The following DMD variants were observed in gnomAD, a reference collection of about 807,000 sequenced individuals.
DMD encodes the protein mutant dystrophin.
In DMD, 63 loss-of-function variants were observed where a neutral mutation model predicts 330.1. The ratio of observed to expected loss-of-function variants is 0.19; its 90% confidence interval spans 0.16 to 0.24. DMD has a LOEUF of 0.24. Ranked by LOEUF, DMD falls within the 10% of genes least tolerant of loss-of-function variation. DMD has a pLI of 1.00. For synonymous variants in DMD, 1,223 were observed against 959.8 expected, an observed-to-expected ratio of 1.27 and a Z score of -5.07; for missense variants, 3,344 against 2,684.1, an observed-to-expected ratio of 1.25 and a Z score of -5.43.
chrX:32,768,930 A>G (rs982068416), intron 7 of DMD, among the ~76,000 whole-genome samples: 1 of 111,903 alleles, frequency 8.9e-6, no homozygotes, highest in African/African-American at 3.2e-5. Flanking sequence ...TTTCATGAGC[A>G]CACATCCCCT....
intron 17 of DMD, among the ~76,000 whole-genome samples, chrX:32,529,146 C>G (rs1438077477): frequency 9.4e-6 from 1 of 106,050 alleles, no homozygotes; most frequent in Admixed American, 1.0e-4. Context: ...AGGATGGTCT[C>G]GATCTCCTGA....
intron 2 of DMD, among the ~76,000 whole-genome samples, chrX:32,933,969 C>G (rs892114717): frequency 2.7e-5 from 3 of 111,382 alleles, no homozygotes; most frequent in African/African-American, 9.8e-5. Context: ...TGCTTTCTGA[C>G]TATTCTGCTT....
At chrX:32,411,236 T>G (rs1304250632) in intron 30 of DMD, among the ~76,000 whole-genome samples, 1 of 111,452 alleles carries the variant, frequency 9.0e-6, no homozygotes, top group Non-Finnish European at 1.9e-5. Flanking sequence ...GTTCAAGTGA[T>G]TCTCCTGCCT....
chrX:32,283,138 C>T (rs1603629914), intron 43 of DMD, among the ~76,000 whole-genome samples: 1 of 111,482 alleles, frequency 9.0e-6, no homozygotes, highest in Non-Finnish European at 1.9e-5. Flanking sequence ...AGAGCAAAGA[C>T]ATATATAGCA....
intron 47 of DMD, among the ~76,000 whole-genome samples, chrX:31,926,662 C>T (rs932469962): frequency 1.8e-5 from 2 of 108,447 alleles, no homozygotes; most frequent in African/African-American, 6.7e-5. Flanking sequence ...GATGACAAAG[C>T]GAGACTCTGT....
At chrX:32,400,926 C>G (rs1054715730) in intron 30 of DMD, among the ~76,000 whole-genome samples, 12 of 110,349 alleles carry the variant, frequency 1.1e-4, no homozygotes, top group Admixed American at 7.7e-4. Flanking sequence ...GACTTGGAAC[C>G]AACCCAAATG....
intron 7 of DMD, among the ~76,000 whole-genome samples, chrX:32,779,521 G>C (rs2074498268): frequency 9.1e-6 from 1 of 109,658 alleles, no homozygotes; most frequent in East Asian, 2.8e-4. Context: ...AGATTTTACA[G>C]ATGTTCCCCC....
At chrX:31,384,407 G>A (rs1183000243) in intron 60 of DMD, among the ~76,000 whole-genome samples, 1 of 111,383 alleles carries the variant, frequency 9.0e-6, no homozygotes, top group African/African-American at 3.3e-5. Flanking sequence ...TTGTGATTTT[G>A]TACTCTGATG....
intron 55 of DMD, among the ~76,000 whole-genome samples, chrX:31,531,608 T>C (rs1462846484): frequency 9.9e-6 from 1 of 101,100 alleles, no homozygotes; most frequent in Non-Finnish European, 2.0e-5. Context: ...TGCGGAAATT[T>C]TCTCCCATGT....
chrX:31,474,726 AT>A (rs201057943), intron 59 of DMD, among the ~76,000 whole-genome samples: 1,774 of 101,745 alleles, frequency 0.017, 77 homozygotes, highest in East Asian at 0.065. Flanking sequence ...ATAAAATAAA[AT>A]AAAATAAAAT....
At chrX:32,044,680 C>A (rs1307555820) in intron 44 of DMD, among the ~76,000 whole-genome samples, 4 of 111,420 alleles carry the variant, frequency 3.6e-5, no homozygotes, top group Non-Finnish European at 7.5e-5. Context: ...CCTTGGCCTC[C>A]CAAAGTGCTG....
intron 44 of DMD, among the ~76,000 whole-genome samples, chrX:32,008,103 C>T (rs896903064): frequency 2.7e-5 from 3 of 111,056 alleles, no homozygotes; most frequent in African/African-American, 9.8e-5. Context: ...GGACAGTGGG[C>T]TCCGGTGTGA....
intron 32 of DMD, among the ~76,000 whole-genome samples, chrX:32,386,697 A>C (rs2097960319): frequency 1.0e-5 from 1 of 99,578 alleles, no homozygotes; most frequent in Non-Finnish European, 2.1e-5. Flanking sequence ...ATTCTTATTA[A>C]ACAGAGAGTT....
intron 1 of DMD, among the ~76,000 whole-genome samples, chrX:33,229,159 GTA>G (rs1001273807): frequency 4.5e-5 from 5 of 110,565 alleles, no homozygotes; most frequent in African/African-American, 1.6e-4. Flanking sequence ...TCTGTACCTT[GTA>G]TTTCACTTCT....
intron 7 of DMD, among the ~76,000 whole-genome samples, chrX:32,737,624 T>A (rs918569995): frequency 4.5e-5 from 5 of 112,012 alleles, no homozygotes; most frequent in Non-Finnish European, 7.5e-5. Context: ...CATGTATCTG[T>A]GGCAGAAAGA....
intron 43 of DMD, among the ~76,000 whole-genome samples, chrX:32,233,613 T>TTATGTATTTATG (rs2097176864): frequency 2.0e-5 from 2 of 100,504 alleles, no homozygotes; most frequent in African/African-American, 7.4e-5. Flanking sequence ...ATTTATTTAT[T>TTATGTATTTATG]TATTTATTTA....
chrX:31,489,227 G>A (rs137886762), intron 57 of DMD, among the ~76,000 whole-genome samples: 14,317 of 111,359 alleles, frequency 0.13, 741 homozygotes, highest in East Asian at 0.23. Flanking sequence ...TTCAACCTCC[G>A]CCTCCCAAGT....
chrX:32,836,047 T>G (rs1378175371), intron 4 of DMD, among the ~76,000 whole-genome samples: 1 of 110,180 alleles, frequency 9.1e-6, no homozygotes, highest in Admixed American at 9.8e-5. Flanking sequence ...AATTTTTTTT[T>G]TTGGAGACAA....
At chrX:31,189,847 G>C (rs1195338012) in intron 67 of DMD, among the ~76,000 whole-genome samples, 2 of 112,578 alleles carry the variant, frequency 1.8e-5, no homozygotes, top group Non-Finnish European at 3.7e-5. Flanking sequence ...ATTTTATAAA[G>C]AGCAGAAGAC....
Sources: gnomAD v4.1 joint callset for allele counts (sites outside exome capture counted in the v4.1 genomes callset) on GRCh38, gnomAD v4.1.1 for gene constraint, MANE v1.5 for transcripts, NCBI Gene and HGNC (gene_info 2026-07-23, HGNC 2026-07-21) for gene names.